NOS1AP: variants seen among roughly 807,000 people sequenced by gnomAD.
NOS1AP encodes carboxyl-terminal PDZ ligand of neuronal nitric oxide synthase protein.
NOS1AP carries 21 observed loss-of-function variants against 56.2 expected under a neutral mutation model. The ratio of observed to expected loss-of-function variants is 0.37; its 90% confidence interval spans 0.26 to 0.54. The LOEUF is 0.54. Among genes scored for constraint, NOS1AP ranks in the 20% least tolerant of loss-of-function variants. The pLI is 0.84. For missense variants in NOS1AP, 522 were observed against 657.8 expected (o/e 0.79, Z 2.26); for synonymous variants, 270 against 274.6 (o/e 0.98, Z 0.17).
chr1:162,198,956 G>T (rs1299732960), intron 2 of NOS1AP, among the ~76,000 whole-genome samples: 1 of 152,112 alleles, frequency 6.6e-6, no homozygotes, highest in East Asian at 1.9e-4. Context: ...TGGAGGGTAG[G>T]ATCAGGTTTT....
At chr1:162,161,637 T>C (rs1421144334) in intron 2 of NOS1AP, among the ~76,000 whole-genome samples, 1 of 152,116 alleles carries the variant, frequency 6.6e-6, no homozygotes, top group Non-Finnish European at 1.5e-5. Flanking sequence ...CTGTCACCCA[T>C]GTTGGAGTGT....
chr1:162,353,543 A>G (rs896940453), intron 6 of NOS1AP, among the ~76,000 whole-genome samples: 2 of 152,134 alleles, frequency 1.3e-5, no homozygotes, highest in Non-Finnish European at 2.9e-5. Flanking sequence ...CCCTGTCACT[A>G]CATTACTTAC....
rs968055096 is a variant in NOS1AP, at chr1:162,290,289, C to T, written c.270+2853C>T. ...CCACACTTAGTGTCCGTTCCAGGGC[C>T]GTGGCTGTGATTTGAATAATGCCTT... On this transcript the variant is annotated intron_variant, in intron 3 of 9. Transcript: ENST00000361897. Among the ~76,000 whole-genome samples the T allele has an allele frequency of 4.7e-4, 72 of 152,198 alleles. 2 individuals are homozygous for T. The highest frequency in any genetic ancestry group is 4.1e-4 in the South Asian group (2 of 4,830).
At chr1:162,074,822 G>A (rs77169638) in intron 1 of NOS1AP, among the ~76,000 whole-genome samples, 1,906 of 152,228 alleles carry the variant, frequency 0.013, 48 homozygotes, top group African/African-American at 0.043. Context: ...TGCCTTGGTC[G>A]TCCTTCATGT....
At chr1:162,342,650 A>T (rs1480534398) in intron 5 of NOS1AP, 1 of 471,384 alleles carries the variant, frequency 2.1e-6, no homozygotes, top group Non-Finnish European at 4.4e-6. Flanking sequence ...AAGGCCTTCT[A>T]GACTTATCAA....
At chr1:162,183,913 A>T (rs545237131) in intron 2 of NOS1AP, among the ~76,000 whole-genome samples, 3 of 152,286 alleles carry the variant, frequency 2.0e-5, no homozygotes, top group African/African-American at 7.2e-5. Context: ...TAGCACTTTT[A>T]ATCTCCTTCA....
At chr1:162,189,478 C>T (rs573969001) in intron 2 of NOS1AP, among the ~76,000 whole-genome samples, 1 of 152,324 alleles carries the variant, frequency 6.6e-6, no homozygotes, top group African/African-American at 2.4e-5. Flanking sequence ...TTCTCCTACT[C>T]AAAGAATTGG....
chr1:162,087,736 G>A (rs1692035634), intron 1 of NOS1AP, among the ~76,000 whole-genome samples: 1 of 152,164 alleles, frequency 6.6e-6, no homozygotes. Context: ...TAATGCCCAT[G>A]TACTGGTTGA....
At chr1:162,176,670 A>G (rs6427662) in intron 2 of NOS1AP, among the ~76,000 whole-genome samples, 70,454 of 151,728 alleles carry the variant, frequency 0.46, 17,961 homozygotes, top group East Asian at 0.75. Context: ...TACCACGCCC[A>G]GCTACTTTTT....
intron 6 of NOS1AP, among the ~76,000 whole-genome samples, chr1:162,354,826 C>T (rs951337870): frequency 7.2e-5 from 11 of 152,326 alleles, no homozygotes; most frequent in African/African-American, 1.9e-4. Flanking sequence ...TCTGGACCCC[C>T]GGGCCAGGGC....
intron 5 of NOS1AP, among the ~76,000 whole-genome samples, chr1:162,338,916 G>T (rs1408243245): frequency 1.3e-5 from 2 of 152,164 alleles, no homozygotes; most frequent in East Asian, 3.9e-4. Flanking sequence ...CTCCTGCTAG[G>T]TATGAAGTTG....
At chr1:162,119,513 AAAC>A (rs1470558226) in intron 1 of NOS1AP, among the ~76,000 whole-genome samples, 2 of 152,254 alleles carry the variant, frequency 1.3e-5, no homozygotes, top group Non-Finnish European at 2.9e-5. Context: ...AAACAAAACA[AAAC>A]AACAACAAAT....
At chr1:162,287,322 T>A in intron 2 of NOS1AP, 22 bp from the exon 3 acceptor site, 1 of 1,561,486 alleles carries the variant, frequency 6.4e-7, no homozygotes, top group East Asian at 2.2e-5. Context: ...GCACTTTCTT[T>A]TTGTTTTCTT....
chr1:162,200,740 C>G (rs1216194329), intron 2 of NOS1AP, among the ~76,000 whole-genome samples: 1 of 152,146 alleles, frequency 6.6e-6, no homozygotes, highest in African/African-American at 2.4e-5. Context: ...TGAATTTCAT[C>G]TTTACCTTGG....
At position 162,365,654 on chromosome 1, in the gene NOS1AP, T is replaced by C. The variant is rs934384399; in HGVS notation, c.1105+85T>C. ...TTTCCTTAAGTTTTTGGTGGTGCTT[T>C]CTTGGACCCCTGACCTACCCCTATA... On this transcript the variant is annotated intron_variant, in intron 9 of 9. Coordinates refer to ENST00000361897, the MANE Select transcript of NOS1AP (RefSeq NM_014697.3). 5 of 1,546,754 alleles carry C rather than the reference T, an allele frequency of 3.2e-6. No individual in the cohort carries two copies. In the African/African-American group the frequency reaches 4.1e-5, roughly 13 times the overall value.
intron 1 of NOS1AP, among the ~76,000 whole-genome samples, chr1:162,122,758 G>A (rs1411197957): frequency 2.0e-5 from 3 of 152,048 alleles, no homozygotes; most frequent in Admixed American, 1.3e-4. Flanking sequence ...GCCTACCTCA[G>A]CCTCCCAAAG....
At position 162,089,097 on chromosome 1, in the gene NOS1AP, G is replaced by A. The variant is rs1044314398; in HGVS notation, c.105+18815G>A. Reference sequence around the variant, plus strand: ...TCAAGACCATTATCTTGGCACCAGGGATGCTAATTTTTATTGAGTTGGCCA... The same window carrying A: ...TCAAGACCATTATCTTGGCACCAGGAATGCTAATTTTTATTGAGTTGGCCA... On this transcript the variant is annotated intron_variant, in intron 1 of 9. Coordinates refer to ENST00000361897, the MANE Select transcript of NOS1AP (RefSeq NM_014697.3). 1.3e-4 allele frequency among the ~76,000 whole-genome samples: 20 copies of A among 152,114 alleles called. 1 individual carries two copies. The highest frequency in any genetic ancestry group is 2.1e-4 in the Non-Finnish European group (14 of 68,014).
chr1:162,099,179 C>T (rs921381100), intron 1 of NOS1AP, among the ~76,000 whole-genome samples: 1 of 145,682 alleles, frequency 6.9e-6, no homozygotes, highest in African/African-American at 2.5e-5. Context: ...GCGTCTGTTA[C>T]TTTTTGACTT....
intron 2 of NOS1AP, among the ~76,000 whole-genome samples, chr1:162,245,501 A>G (rs1653633419): frequency 6.6e-6 from 1 of 152,220 alleles, no homozygotes; most frequent in South Asian, 2.1e-4. Context: ...TACACCTACC[A>G]TATGATCCAA....
Sources: allele counts gnomAD v4.1 joint callset (sites outside exome capture counted in the v4.1 genomes callset), GRCh38; gene constraint gnomAD v4.1.1; transcripts MANE v1.5; gene names NCBI Gene and HGNC (gene_info 2026-07-23, HGNC 2026-07-21).